Variants in SOX5 observed in about 807,000 individuals in gnomAD.
The protein encoded by SOX5 is transcription factor SOX-5.
In SOX5, 9 loss-of-function variants were observed where a neutral mutation model predicts 92.0. The observed-to-expected ratio is 0.10, with a 90% CI of 0.06 to 0.17. SOX5 has a LOEUF of 0.17. Among genes scored for constraint, SOX5 ranks in the 10% least tolerant of loss-of-function variants. The probability of loss-of-function intolerance (pLI) is 1.00; values close to 1 mark genes in which losing one functional copy is unlikely to be tolerated. For missense variants in SOX5, 642 were observed against 944.5 expected, an observed-to-expected ratio of 0.68 and a Z score of 4.20; for synonymous variants, 344 against 336.3, an observed-to-expected ratio of 1.02 and a Z score of -0.25.
intron 3 of SOX5, among the ~76,000 whole-genome samples, chr12:23,806,604 A>C (rs1044091696): frequency 2.0e-5 from 3 of 151,858 alleles, no homozygotes; most frequent in Admixed American, 2.0e-4. Context: ...AAAAAGAAAA[A>C]AAAAACTTTT....
chr12:24,471,615 G>T (rs1944830726), intron 1 of SOX5, among the ~76,000 whole-genome samples: 1 of 152,132 alleles, frequency 6.6e-6, no homozygotes, highest in African/African-American at 2.4e-5. Context: ...TGAGGATGGG[G>T]GAGGAGCAGG....
chr12:24,426,030 C>T (rs1966702216), intron 1 of SOX5, among the ~76,000 whole-genome samples: 1 of 152,054 alleles, frequency 6.6e-6, no homozygotes, highest in Non-Finnish European at 1.5e-5. Context: ...AACAAAAGAG[C>T]AATAATTAAA....
intron 6 of SOX5, among the ~76,000 whole-genome samples, chr12:23,685,522 T>C (rs1169268299): frequency 6.6e-6 from 1 of 152,086 alleles, no homozygotes; most frequent in Non-Finnish European, 1.5e-5. Context: ...AAATACATTA[T>C]CCAAAGGTTC....
At chr12:24,559,321 C>G (rs1326222935) in intron 1 of SOX5, among the ~76,000 whole-genome samples, 1 of 152,182 alleles carries the variant, frequency 6.6e-6, no homozygotes, top group Non-Finnish European at 1.5e-5. Context: ...TTGGGTGAAT[C>G]ATCCAGGTTA....
chr12:24,010,868 G>A (rs1422239473), intron 4 of SOX5, among the ~76,000 whole-genome samples: 1 of 152,012 alleles, frequency 6.6e-6, no homozygotes, highest in Admixed American at 6.6e-5. Flanking sequence ...GAACCTGGGA[G>A]GCAGACGCTG....
At chr12:24,424,919 T>C (rs1966528034) in intron 1 of SOX5, among the ~76,000 whole-genome samples, 1 of 151,038 alleles carries the variant, frequency 6.6e-6, no homozygotes, top group South Asian at 2.1e-4. Context: ...CTGCCTGCCA[T>C]AGGTTTACCT....
chr12:24,041,341 G>A (rs1171698720), intron 4 of SOX5, among the ~76,000 whole-genome samples: 1 of 152,052 alleles, frequency 6.6e-6, no homozygotes, highest in African/African-American at 2.4e-5. Flanking sequence ...TGAGGATACT[G>A]AAATTATAAG....
At chr12:24,095,420 CTTATTTATTTAT>C (rs146858914) in intron 4 of SOX5, among the ~76,000 whole-genome samples, 128 of 140,260 alleles carry the variant, frequency 9.1e-4, no homozygotes, top group Middle Eastern at 3.6e-3. Flanking sequence ...TGCCCTCTCC[CTTATTTATTTAT>C]TTATTTATTT....
chr12:24,065,094 G>C (rs146599078), intron 4 of SOX5, among the ~76,000 whole-genome samples: 4 of 152,252 alleles, frequency 2.6e-5, no homozygotes, highest in African/African-American at 7.2e-5. Context: ...CCACATTAAG[G>C]GGGTGAAAGG....
chr12:24,212,556 T>C (rs766291346), intron 4 of SOX5: 2 of 515,474 alleles, frequency 3.9e-6, no homozygotes, highest in South Asian at 1.5e-5. Flanking sequence ...TCTTCACTCA[T>C]AACTAAGCAA....
chr12:23,983,439 C>T (rs1172897478), intron 4 of SOX5, among the ~76,000 whole-genome samples: 1 of 152,100 alleles, frequency 6.6e-6, no homozygotes, highest in Non-Finnish European at 1.5e-5. Flanking sequence ...GAAGACTGGC[C>T]TTTGAAGCTC....
At chr12:24,054,643 C>T (rs570145959) in intron 4 of SOX5, among the ~76,000 whole-genome samples, 3 of 152,320 alleles carry the variant, frequency 2.0e-5, no homozygotes, top group Non-Finnish European at 2.9e-5. Context: ...CCAGGAATGG[C>T]ACCCAGCCAT....
rs528187029 is a variant in SOX5, at chr12:24,301,953, A to G, written c.-173-24641T>C. On this transcript the variant is annotated intron_variant, in intron 2 of 4. Transcript: ENST00000446891. ...TAATAGTATTTTTTTGCTACAAAGTATATATATATATAATTATTTATGTTC... is the reference window on the plus strand; with the variant it reads ...TAATAGTATTTTTTTGCTACAAAGTGTATATATATATAATTATTTATGTTC... Among the ~76,000 whole-genome samples the G allele has an allele frequency of 4.6e-5, 7 of 151,624 alleles. No homozygotes were observed. The East Asian group carries it at 1.4e-3, about 29-fold the overall frequency.
chr12:23,766,217 G>A, intron 3 of SOX5, among the ~76,000 whole-genome samples: 1 of 151,990 alleles, frequency 6.6e-6, no homozygotes, highest in Non-Finnish European at 1.5e-5. Context: ...ACCAAAAACG[G>A]GAGCAGTTTC....
rs891232568 is a variant in SOX5 at position 24,154,493 on chromosome 12, C to T, written c.-2+58850G>A. 2.0e-5 allele frequency among the ~76,000 whole-genome samples: 3 copies of T among 152,120 alleles called. No individual in the cohort carries two copies. In the East Asian group the frequency reaches 5.8e-4, roughly 29 times the overall value. On this transcript the variant is annotated intron_variant, in intron 4 of 4. Coordinates refer to the SOX5 transcript ENST00000446891. ...AAAGGTTCAATCACTAAAAGTCTGG[C>T]TCATACCACTTTTAAAAGGGTAAAA...
intron 3 of SOX5, among the ~76,000 whole-genome samples, chr12:23,814,042 TTTC>T (rs1388780375): frequency 5.9e-5 from 9 of 152,200 alleles, no homozygotes; most frequent in African/African-American, 1.9e-4. Flanking sequence ...TAAAATGCTT[TTTC>T]TTTTTATAAA....
In SOX5 at chr12:24,057,568, G is replaced by A. The variant is rs568871665; in HGVS notation, c.-2+155775C>T. 5.9e-5 allele frequency among the ~76,000 whole-genome samples: 9 copies of A among 152,200 alleles called. No homozygotes were observed. The South Asian group carries it at 1.5e-3, about 25-fold the overall frequency. ...TCATCGCAAATGCAAATTGACTCAG[G>A]TATGTTTTTATTAGTAGTAACCGAT... On this transcript the variant is annotated intron_variant, in intron 4 of 4. Coordinates refer to the SOX5 transcript ENST00000446891.
chr12:23,657,389 A>C (rs919578470), intron 7 of SOX5, among the ~76,000 whole-genome samples: 2 of 152,196 alleles, frequency 1.3e-5, no homozygotes, highest in Non-Finnish European at 2.9e-5. Flanking sequence ...TTTCAAAATC[A>C]GGACTTTTTA....
chr12:24,378,419 C>G (rs1957500613), intron 1 of SOX5, among the ~76,000 whole-genome samples: 1 of 152,204 alleles, frequency 6.6e-6, no homozygotes, highest in Admixed American at 6.5e-5. Flanking sequence ...GCAATTCAAA[C>G]AGTCTTTAAT....
Sources: gnomAD v4.1 joint callset for allele counts (sites outside exome capture counted in the v4.1 genomes callset) on GRCh38, gnomAD v4.1.1 for gene constraint, MANE v1.5 for transcripts, NCBI Gene and HGNC (gene_info 2026-07-23, HGNC 2026-07-21) for gene names.